CXCL13: variants seen among roughly 807,000 people sequenced by gnomAD.
CXCL13 encodes C-X-C motif chemokine ligand 13, also known as C-X-C motif chemokine 13.
CXCL13 carries 7 observed loss-of-function variants against 12.2 expected under a neutral mutation model. The ratio of observed to expected loss-of-function variants is 0.57; its 90% confidence interval spans 0.33 to 1.07. The LOEUF is 1.07. CXCL13 is among the 50% of genes least tolerant of loss of function. The pLI, the probability that CXCL13 is intolerant of heterozygous loss-of-function variation, is 0.04. For missense variants in CXCL13, 113 were observed against 127.4 expected (o/e 0.89, Z 0.55); for synonymous variants, 47 against 42.4 (o/e 1.11, Z -0.42).
At chr4:77,543,729 T>G (rs1238014859) in intron 1 of CXCL13, among the ~76,000 whole-genome samples, 1 of 152,076 alleles carries the variant, frequency 6.6e-6, no homozygotes, top group Non-Finnish European at 1.5e-5. Context: ...ATGGTTGTTA[T>G]GATTTCCATT....
chr4:77,585,812 A>T (rs1371244820), intron 1 of CXCL13, among the ~76,000 whole-genome samples: 1 of 152,212 alleles, frequency 6.6e-6, no homozygotes, highest in African/African-American at 2.4e-5. Context: ...CTGAGTGATC[A>T]TCTTTCTGCT....
chr4:77,586,850 A>C (rs1726482715), intron 1 of CXCL13, among the ~76,000 whole-genome samples: 1 of 152,222 alleles, frequency 6.6e-6, no homozygotes, highest in African/African-American at 2.4e-5. Flanking sequence ...AGAGGAAAAG[A>C]GTCTAGATAG....
chr4:77,598,758 G>C (rs138327980), intron 1 of CXCL13, among the ~76,000 whole-genome samples: 1 of 152,022 alleles, frequency 6.6e-6, no homozygotes, highest in African/African-American at 2.4e-5. Flanking sequence ...GTGAGGTGTC[G>C]CCCAACTCTA....
At chr4:77,594,839 C>A (rs1006651654) in intron 1 of CXCL13, among the ~76,000 whole-genome samples, 2 of 152,148 alleles carry the variant, frequency 1.3e-5, no homozygotes, top group Admixed American at 6.5e-5. Context: ...TTGATAGGGG[C>A]AGCAAACCAC....
chr4:77,579,784 T>C (rs1298891989), intron 1 of CXCL13, among the ~76,000 whole-genome samples: 1 of 152,208 alleles, frequency 6.6e-6, no homozygotes, highest in Non-Finnish European at 1.5e-5. Context: ...TCAATCTCTT[T>C]AGTACAAGCA....
At chr4:77,547,363 C>G (rs1403906033) in intron 1 of CXCL13, among the ~76,000 whole-genome samples, 5 of 152,166 alleles carry the variant, frequency 3.3e-5, no homozygotes, top group Non-Finnish European at 7.3e-5. Context: ...GTGTGGGAGT[C>G]TAAGTCTCTT....
At chr4:77,580,550 C>T (rs534521636) in intron 1 of CXCL13, among the ~76,000 whole-genome samples, 1 of 151,698 alleles carries the variant, frequency 6.6e-6, no homozygotes, top group Non-Finnish European at 1.5e-5. Flanking sequence ...TGGTTTCCAT[C>T]TCTTGACCTC....
chr4:77,523,300 G>C (rs1021578909), intron 1 of CXCL13, among the ~76,000 whole-genome samples: 1 of 152,214 alleles, frequency 6.6e-6, no homozygotes. Flanking sequence ...ATCCTGAAGA[G>C]TGTTTTCCAA....
intron 1 of CXCL13, among the ~76,000 whole-genome samples, chr4:77,553,429 G>GA (rs1202369537): frequency 6.6e-6 from 1 of 152,198 alleles, no homozygotes; most frequent in Non-Finnish European, 1.5e-5. Flanking sequence ...TCCAGGTCTG[G>GA]AAAAATGCTT....
rs902201741 is a variant in CXCL13, at chr4:77,543,249, T to C, written c.-43+31461T>C. 7.2e-5 allele frequency among the ~76,000 whole-genome samples: 11 copies of C among 152,178 alleles called. No individual in the cohort carries two copies. The East Asian group carries it at 9.6e-4, about 13-fold the overall frequency. On this transcript the variant is annotated intron_variant, in intron 1 of 4. Coordinates refer to the CXCL13 transcript ENST00000286758. ...CTGGTTGTGCTTATTTTTCCTGTTT[T>C]TTTCATTTTTTATTAATGTAGTCTA...
At chr4:77,586,245 A>G (rs527368910) in intron 1 of CXCL13, among the ~76,000 whole-genome samples, 2 of 151,986 alleles carry the variant, frequency 1.3e-5, no homozygotes, top group South Asian at 4.2e-4. Context: ...GCCTGGACCA[A>G]TGCCATCCTA....
chr4:77,531,634 G>A (rs1481459549), intron 1 of CXCL13, among the ~76,000 whole-genome samples: 1 of 152,008 alleles, frequency 6.6e-6, no homozygotes, highest in Non-Finnish European at 1.5e-5. Flanking sequence ...CTGTCTAATG[G>A]TGACAGTGGG....
At chr4:77,594,846 C>A (rs1726709784) in intron 1 of CXCL13, among the ~76,000 whole-genome samples, 1 of 152,158 alleles carries the variant, frequency 6.6e-6, no homozygotes, top group Non-Finnish European at 1.5e-5. Flanking sequence ...GGGCAGCAAA[C>A]CACCACAGCA....
intron 1 of CXCL13, among the ~76,000 whole-genome samples, chr4:77,539,217 A>G (rs975064775): frequency 2.0e-5 from 3 of 152,030 alleles, no homozygotes; most frequent in Admixed American, 6.6e-5. Flanking sequence ...GCATGCACCC[A>G]GAGTTAGGGT....
chr4:77,518,343 C>A (rs1038910142), intron 1 of CXCL13, among the ~76,000 whole-genome samples: 1 of 152,108 alleles, frequency 6.6e-6, no homozygotes, highest in African/African-American at 2.4e-5. Flanking sequence ...TGTTGGCCTG[C>A]CTTGCTAGAT....
At chr4:77,513,433 T>G (rs1724321359) in intron 1 of CXCL13, among the ~76,000 whole-genome samples, 1 of 151,614 alleles carries the variant, frequency 6.6e-6, no homozygotes. Flanking sequence ...CCACATCCTC[T>G]CCAGCATCTG....
At chr4:77,578,653 T>C (rs1234066937) in intron 1 of CXCL13, among the ~76,000 whole-genome samples, 1 of 152,188 alleles carries the variant, frequency 6.6e-6, no homozygotes, top group African/African-American at 2.4e-5. Context: ...ACCCTCTCAC[T>C]GTACTGAGAG....
chr4:77,520,665 G>A (rs4286540), intron 1 of CXCL13, among the ~76,000 whole-genome samples: 1 of 152,070 alleles, frequency 6.6e-6, no homozygotes, highest in East Asian at 1.9e-4. Flanking sequence ...CCTCAAACAG[G>A]GACAATGTGA....
At chr4:77,524,664 C>T (rs1211716746) in intron 1 of CXCL13, among the ~76,000 whole-genome samples, 1 of 152,170 alleles carries the variant, frequency 6.6e-6, no homozygotes, top group African/African-American at 2.4e-5. Context: ...TCCCCTGTCC[C>T]CTTGCACTTC....
Sources: allele counts gnomAD v4.1 joint callset (sites outside exome capture counted in the v4.1 genomes callset), GRCh38; gene constraint gnomAD v4.1.1; transcripts MANE v1.5; gene names NCBI Gene and HGNC (gene_info 2026-07-23, HGNC 2026-07-21).